MGST2: variants seen among roughly 807,000 people sequenced by gnomAD.
The protein encoded by MGST2 is glutathione peroxidase MGST2.
MGST2 carries 9 observed loss-of-function variants against 16.6 expected under a neutral mutation model. The ratio of observed to expected loss-of-function variants is 0.54; its 90% CI spans 0.33 to 0.95. The LOEUF (loss-of-function observed/expected upper bound fraction) is 0.95. MGST2 is among the 40% of genes least tolerant of loss of function. MGST2 has a pLI of 0.03. For missense variants in MGST2, 159 were observed against 175.1 expected (o/e 0.91, Z 0.52); for synonymous variants, 79 against 68.0 (o/e 1.16, Z -0.79).
chr4:139,683,216 G>A (rs1318028132), intron 2 of MGST2, among the ~76,000 whole-genome samples: 2 of 152,346 alleles, frequency 1.3e-5, no homozygotes, highest in East Asian at 3.9e-4. Flanking sequence ...GTCAGCTAGA[G>A]CCAGGGAGAT....
downstream of MGST2, among the ~76,000 whole-genome samples, chr4:139,705,295 A>C (rs913979759): frequency 1.3e-5 from 2 of 152,178 alleles, no homozygotes; most frequent in African/African-American, 4.8e-5. Flanking sequence ...CAGGGGGTAA[A>C]TTCTGAGATT....
At chr4:139,733,239 C>A (rs1253255167) in intron 5 of MGST2, among the ~76,000 whole-genome samples, 5 of 152,202 alleles carry the variant, frequency 3.3e-5, no homozygotes, top group African/African-American at 1.2e-4. Flanking sequence ...ATATTTGATA[C>A]TTTCCAGTTT....
chr4:139,719,413 C>A, intron 5 of MGST2: 2 of 1,614,008 alleles, frequency 1.2e-6, no homozygotes, highest in African/African-American at 2.7e-5. Context: ...CTGCACCGTC[C>A]GGGAGGCCAG....
intron 5 of MGST2, chr4:139,718,469 G>A (rs1429394359): frequency 1.3e-5 from 2 of 152,346 alleles, no homozygotes; most frequent in Non-Finnish European, 2.9e-5. Context: ...ACAGGGTCCA[G>A]TAGGGGTTTC....
In MGST2 at chr4:139,735,972, C is replaced by T. The variant is rs910406920; in HGVS notation, c.*49-4240C>T. ...TCCAGCGGGCGCATTTCCCAGGCCC[C>T]GCCACATCGTGTGTGTTAGTGGCTG... On this transcript the variant is annotated intron_variant, in intron 5 of 5. Transcript: ENST00000616265. This position sits in a 1 kb window ranked among gnomAD's most constrained non-coding sequence, Gnocchi z 5.8. Among the ~76,000 whole-genome samples, 2 of 152,144 alleles carry T rather than the reference C, an allele frequency of 1.3e-5. No individual in the cohort carries two copies. The highest frequency in any genetic ancestry group is 4.8e-5 in the African/African-American group (2 of 41,442).
intron 5 of MGST2, chr4:139,719,506 G>T: frequency 6.2e-7 from 1 of 1,613,982 alleles, no homozygotes; most frequent in East Asian, 2.2e-5. Context: ...GGCTCTGGCT[G>T]CTTGGAGCAA....
chr4:139,713,634 C>A (rs1200645614), intron 5 of MGST2, among the ~76,000 whole-genome samples: 1 of 152,160 alleles, frequency 6.6e-6, no homozygotes, highest in African/African-American at 2.4e-5. Flanking sequence ...TGACTTCTAA[C>A]CATAGTGTTC....
chr4:139,730,858 G>A, intron 5 of MGST2: 1 of 604,104 alleles, frequency 1.7e-6, no homozygotes, highest in Non-Finnish European at 2.9e-6. Context: ...AATGAGAGAG[G>A]CCACAAGGGA....
chr4:139,703,568 C>T, intron 4 of MGST2, 32 bp downstream of exon 4: 1 of 1,581,952 alleles, frequency 6.3e-7, no homozygotes, highest in East Asian at 2.2e-5. Flanking sequence ...TGTATTTATG[C>T]AAAAAGTAGC....
chr4:139,713,086 C>A (rs1177587817), intron 5 of MGST2, among the ~76,000 whole-genome samples: 1 of 152,160 alleles, frequency 6.6e-6, no homozygotes, highest in African/African-American at 2.4e-5. Flanking sequence ...AAAAACAAAG[C>A]AAAGCATGCT....
At chr4:139,746,516 C>T in the MGST2 span, among the ~76,000 whole-genome samples, 1 of 152,198 alleles carries the variant, frequency 6.6e-6, no homozygotes. Context: ...GAAATTACCA[C>T]TGGGCTCTGG....
At chr4:139,745,123 TTGAG>T (rs1322943276), downstream of MGST2, among the ~76,000 whole-genome samples, 1 of 146,904 alleles carries the variant, frequency 6.8e-6, no homozygotes, top group African/African-American at 2.5e-5. Flanking sequence ...AGATTTGGAT[TTGAG>T]TGAGAAGAGA....
rs1436417575 is a variant in MGST2 at position 139,665,933 on chromosome 4, TG to T, written c.-86del. 3 of 1,381,326 alleles carry T rather than the reference TG, an allele frequency of 2.2e-6. No homozygotes were observed. In the African/African-American group the frequency reaches 4.3e-5, roughly 20 times the overall value. The allele number at this position is 1,381,326 out of a possible 1,614,324, so 85.6% of individuals were successfully genotyped here. A position where few individuals can be genotyped will look rare whatever the true frequency, so the allele number is the denominator to read the frequency against. ...TTTCCCCCCACCCGGTCCCCAACTT[TG>T]TTTACCCGATAAGGAAGGTCAGCAT... On this transcript the variant is annotated 5_prime_UTR_variant, in exon 1 of 5. Coordinates refer to ENST00000265498, the MANE Select transcript of MGST2 (RefSeq NM_002413.5).
intron 5 of MGST2, among the ~76,000 whole-genome samples, chr4:139,709,285 G>T (rs1318617551): frequency 6.6e-6 from 1 of 151,764 alleles, no homozygotes; most frequent in South Asian, 2.1e-4. Flanking sequence ...GGGTTTCACC[G>T]TGTTAGCCAG....
chr4:139,709,010 A>AAAAAAAAG (rs1553949040), downstream of MGST2, among the ~76,000 whole-genome samples: 1 of 137,766 alleles, frequency 7.3e-6, no homozygotes, highest in Non-Finnish European at 1.5e-5. Flanking sequence ...AAAAAAAAAA[A>AAAAAAAAG]AAAAAGAAAA....
chr4:139,719,046 G>T, intron 5 of MGST2: 3 of 412,624 alleles, frequency 7.3e-6, no homozygotes, highest in Non-Finnish European at 1.3e-5. Context: ...AGGGGCTCTG[G>T]CCGGCTTCAT....
At chr4:139,752,951 A>AT in the MGST2 span, among the ~76,000 whole-genome samples, 4 of 152,128 alleles carry the variant, frequency 2.6e-5, no homozygotes, top group African/African-American at 7.2e-5. Context: ...GGCTGGGGTG[A>AT]TTTTTTTGAA....
chr4:139,715,750 C>A lies in MGST2; in HGVS notation c.*48+11554C>A, dbSNP rs1180763076. 6.6e-6 allele frequency among the ~76,000 whole-genome samples: 1 copy of A among 152,096 alleles called. No individual in the cohort carries two copies. The highest frequency in any genetic ancestry group is 1.5e-5 in the Non-Finnish European group (1 of 68,016). On this transcript the variant is annotated intron_variant, in intron 5 of 5. Transcript: ENST00000616265. This position sits in a 1 kb window ranked among gnomAD's most constrained non-coding sequence, Gnocchi z 4.4. ...GGTGGGAGTGTGGCAGTGAGGACGA[C>A]CAGAGGTCACCCTCGTCGCTATTTT...
intron 1 of MGST2, among the ~76,000 whole-genome samples, chr4:139,667,687 G>A (rs966714297): frequency 6.6e-5 from 10 of 152,134 alleles, no homozygotes; most frequent in East Asian, 1.9e-4. Flanking sequence ...GTGAAACTCC[G>A]TCTCTACTTA....
Sources: allele counts gnomAD v4.1 joint callset (sites outside exome capture counted in the v4.1 genomes callset), GRCh38; gene constraint gnomAD v4.1.1; non-coding constraint Gnocchi (gnomAD v3.1); transcripts MANE v1.5; gene names NCBI Gene and HGNC (gene_info 2026-07-23, HGNC 2026-07-21).